KCNK13: variants seen among roughly 807,000 people sequenced by gnomAD.
KCNK13 encodes potassium two pore domain channel subfamily K member 13, also known as potassium channel subfamily K member 13.
In KCNK13, 12 loss-of-function variants were observed where a neutral mutation model predicts 23.4. That is an observed-to-expected ratio of 0.51 (90% confidence interval 0.33 to 0.83). The LOEUF is 0.83. Among genes scored for constraint, KCNK13 ranks in the 40% least tolerant of loss-of-function variants. The pLI, the probability that KCNK13 is intolerant of heterozygous loss-of-function variation, is 0.02. For missense variants in KCNK13, 463 were observed against 556.3 expected, an observed-to-expected ratio of 0.83 and a Z score of 1.69; for synonymous variants, 231 against 229.5, an observed-to-expected ratio of 1.01 and a Z score of -0.06.
At chr14:90,153,895 G>A (rs1890164170) in intron 1 of KCNK13, among the ~76,000 whole-genome samples, 1 of 152,166 alleles carries the variant, frequency 6.6e-6, no homozygotes, top group African/African-American at 2.4e-5. Context: ...GCCCACCAAA[G>A]AATGTGCTTA....
chr14:90,107,167 T>C (rs1200512570), intron 1 of KCNK13, among the ~76,000 whole-genome samples: 1 of 152,006 alleles, frequency 6.6e-6, no homozygotes, highest in Non-Finnish European at 1.5e-5. Context: ...CCTGAGATGG[T>C]GCACATTTGG....
chr14:90,147,374 T>A (rs181396316), intron 1 of KCNK13, among the ~76,000 whole-genome samples: 1 of 152,160 alleles, frequency 6.6e-6, no homozygotes, highest in Non-Finnish European at 1.5e-5. Context: ...CTCAGCCTCC[T>A]GAGTAGCTAG....
chr14:90,174,652 G>A (rs1016072933), intron 1 of KCNK13, among the ~76,000 whole-genome samples: 2 of 152,140 alleles, frequency 1.3e-5, no homozygotes, highest in Admixed American at 1.3e-4. Context: ...CCAGAAGTTT[G>A]AGACCAGTCT....
At chr14:90,183,048 A>G (rs1200201170) in intron 1 of KCNK13, among the ~76,000 whole-genome samples, 4 of 152,116 alleles carry the variant, frequency 2.6e-5, no homozygotes, top group African/African-American at 9.7e-5. Context: ...TTGCCCTTTC[A>G]TGAGAAATCC....
chr14:90,165,345 T>C (rs1363466562), intron 1 of KCNK13, among the ~76,000 whole-genome samples: 1 of 147,080 alleles, frequency 6.8e-6, no homozygotes, highest in Non-Finnish European at 1.5e-5. Flanking sequence ...CAGCTCATCT[T>C]CTTCTGCTTT....
chr14:90,098,898 T>C (rs1388119461), intron 1 of KCNK13, among the ~76,000 whole-genome samples: 2 of 151,960 alleles, frequency 1.3e-5, no homozygotes, highest in African/African-American at 2.4e-5. Context: ...GCCAAGATGG[T>C]GAAACCCCAT....
intron 1 of KCNK13, among the ~76,000 whole-genome samples, chr14:90,087,710 A>G (rs1889297697): frequency 6.6e-6 from 1 of 152,334 alleles, no homozygotes; most frequent in South Asian, 2.1e-4. Context: ...CATTGGCAGC[A>G]TAATTTACCA....
At chr14:90,129,967 A>G (rs553191613) in intron 1 of KCNK13, among the ~76,000 whole-genome samples, 77 of 152,264 alleles carry the variant, frequency 5.1e-4, no homozygotes, top group African/African-American at 1.9e-3. Context: ...TTAAGTAGCC[A>G]TTACAAAAGC....
intron 1 of KCNK13, among the ~76,000 whole-genome samples, chr14:90,144,353 AATAG>A (rs140764982): frequency 0.064 from 9,729 of 152,070 alleles, 398 homozygotes; most frequent in South Asian, 0.21. Context: ...GTCCATCGCT[AATAG>A]ATAGAAATAG....
intron 1 of KCNK13, among the ~76,000 whole-genome samples, chr14:90,130,215 T>TA (rs1555403401): frequency 6.6e-6 from 1 of 151,668 alleles, no homozygotes; most frequent in South Asian, 2.1e-4. Flanking sequence ...TTTATTTATT[T>TA]TTCAGACAGG....
intron 1 of KCNK13, among the ~76,000 whole-genome samples, chr14:90,139,468 G>A (rs1889977619): frequency 1.7e-3 from 1 of 590 alleles, no homozygotes; most frequent in Non-Finnish European, 0.038. Flanking sequence ...AAGACTTCGA[G>A]CATGCGGGGG....
chr14:90,078,281 A>T (rs957905773), intron 1 of KCNK13, among the ~76,000 whole-genome samples: 2 of 152,070 alleles, frequency 1.3e-5, no homozygotes, highest in African/African-American at 4.8e-5. Flanking sequence ...TTAGCTGGGC[A>T]TGGTGGCGCA....
At chr14:90,126,457 CGTGACGTGACGTGACGTGAT>C (rs1889801642) in intron 1 of KCNK13, among the ~76,000 whole-genome samples, 1 of 151,792 alleles carries the variant, frequency 6.6e-6, no homozygotes, top group Non-Finnish European at 1.5e-5. Flanking sequence ...CGTGACGTGA[CGTGACGTGACGTGACGTGAT>C]GAGAATAGCA....
chr14:90,142,742 C>T (rs1188161710), intron 1 of KCNK13, among the ~76,000 whole-genome samples: 2 of 152,124 alleles, frequency 1.3e-5, no homozygotes, highest in Non-Finnish European at 2.9e-5. Context: ...TTAAGTTGGT[C>T]CTGTAAATTA....
At chr14:90,084,977 C>G (rs778776777) in intron 1 of KCNK13, among the ~76,000 whole-genome samples, 1 of 152,100 alleles carries the variant, frequency 6.6e-6, no homozygotes, top group Admixed American at 6.5e-5. Flanking sequence ...GAGTTTCACT[C>G]TGTCCCCCAG....
At chr14:90,174,582 T>C (rs1426111797) in intron 1 of KCNK13, among the ~76,000 whole-genome samples, 1 of 152,202 alleles carries the variant, frequency 6.6e-6, no homozygotes, top group Non-Finnish European at 1.5e-5. Flanking sequence ...CCGGGCATGG[T>C]GGCTCACACC....
chr14:90,134,962 T>G (rs1889918181), intron 1 of KCNK13, among the ~76,000 whole-genome samples: 1 of 152,240 alleles, frequency 6.6e-6, no homozygotes, highest in Non-Finnish European at 1.5e-5. Flanking sequence ...CACAGTAGCC[T>G]GCTCATCGTA....
intron 1 of KCNK13, among the ~76,000 whole-genome samples, chr14:90,081,370 C>T (rs1286907): frequency 0.26 from 39,981 of 152,144 alleles, 5,612 homozygotes; most frequent in Non-Finnish European, 0.32. Flanking sequence ...AAAAACCAGT[C>T]TCCCTTTGCT....
At chr14:90,067,830 G>T (rs546724728) in intron 1 of KCNK13, among the ~76,000 whole-genome samples, 4 of 152,268 alleles carry the variant, frequency 2.6e-5, no homozygotes, top group African/African-American at 9.6e-5. Flanking sequence ...GTGTTTGCTG[G>T]TATATCTGTA....
Sources: gnomAD v4.1 joint callset for allele counts (sites outside exome capture counted in the v4.1 genomes callset) on GRCh38, gnomAD v4.1.1 for gene constraint, MANE v1.5 for transcripts, NCBI Gene and HGNC (gene_info 2026-07-23, HGNC 2026-07-21) for gene names.